The following BICC1 variants were observed in gnomAD, a reference collection of about 807,000 sequenced individuals.
BICC1 encodes BicC family RNA binding protein 1.
A neutral mutation model predicts 111.0 loss-of-function variants in BICC1; 43 were observed. That is an observed-to-expected ratio of 0.39 (90% CI 0.30 to 0.50). The LOEUF is 0.50. BICC1 is among the 20% of genes least tolerant of loss of function. The pLI, the probability that BICC1 is intolerant of heterozygous loss-of-function variation, is 0.88. For synonymous variants in BICC1, 467 were observed against 434.4 expected, an observed-to-expected ratio of 1.07 and a Z score of -0.93; for missense variants, 1,091 against 1,203.2, an observed-to-expected ratio of 0.91 and a Z score of 1.38.
intron 3 of BICC1, among the ~76,000 whole-genome samples, chr10:58,754,425 G>A (rs1360453528): frequency 1.3e-5 from 2 of 152,168 alleles, no homozygotes; most frequent in Non-Finnish European, 2.9e-5. Context: ...TGAAAATGTG[G>A]GGGTCTGCAA....
chr10:58,759,226 C>A (rs1293375856), intron 3 of BICC1, among the ~76,000 whole-genome samples: 3 of 152,042 alleles, frequency 2.0e-5, no homozygotes, highest in African/African-American at 7.3e-5. Context: ...TCCCAAAGTG[C>A]TGCAATTACA....
intron 2 of BICC1, among the ~76,000 whole-genome samples, chr10:58,670,959 T>C (rs2132322628): frequency 1.3e-5 from 2 of 152,262 alleles, no homozygotes; most frequent in South Asian, 4.1e-4. Context: ...AGGCACTGTA[T>C]GTTTCCATTT....
intron 3 of BICC1, among the ~76,000 whole-genome samples, chr10:58,773,883 T>C (rs1842682579): frequency 6.6e-6 from 1 of 152,226 alleles, no homozygotes; most frequent in African/African-American, 2.4e-5. Flanking sequence ...ACCCAAATAT[T>C]GCTTTTCTAA....
In BICC1 at chr10:58,589,579, C is replaced by A. The variant is rs150101297; in HGVS notation, c.191-31276C>A. The stretch of plus-strand genomic sequence containing the variant: ...CTTGAATGCCTGGGGTCAAGCTATT[C>A]TCTTGCCCCAGCCTCCCAAGTAGCA... On this transcript the variant is annotated intron_variant, in intron 1 of 20. Transcript: ENST00000373886. 2.7e-3 allele frequency among the ~76,000 whole-genome samples: 409 copies of A among 151,804 alleles called. 3 individuals carry two copies. The highest frequency in any genetic ancestry group is 9.2e-3 in the African/African-American group (382 of 41,372).
At chr10:58,525,728 C>CA (rs1842520625) in intron 1 of BICC1, among the ~76,000 whole-genome samples, 1 of 151,530 alleles carries the variant, frequency 6.6e-6, no homozygotes, top group African/African-American at 2.4e-5. Context: ...TTTTTTAAAG[C>CA]AATACAAGGA....
chr10:58,513,357 A>C (rs903823349), intron 1 of BICC1, 24 bp downstream of exon 1: 5 of 1,567,534 alleles, frequency 3.2e-6, no homozygotes, highest in Non-Finnish European at 2.6e-6. Context: ...GTGTTCTCGG[A>C]CTCTCCGACT....
At chr10:58,715,709 G>T in intron 3 of BICC1, 1 of 1,582,822 alleles carries the variant, frequency 6.3e-7, no homozygotes, top group Non-Finnish European at 8.7e-7. Flanking sequence ...AAAAGAAAAA[G>T]AAAGGTTCCA....
intron 2 of BICC1, among the ~76,000 whole-genome samples, chr10:58,675,716 A>T (rs1839317725): frequency 6.6e-6 from 1 of 152,262 alleles, no homozygotes; most frequent in African/African-American, 2.4e-5. Flanking sequence ...TTAATTAATT[A>T]GATTGTGATA....
intron 2 of BICC1, among the ~76,000 whole-genome samples, chr10:58,635,937 TTA>T (rs1452421395): frequency 6.6e-6 from 1 of 152,240 alleles, no homozygotes; most frequent in Non-Finnish European, 1.5e-5. Context: ...TCCCACTTCT[TTA>T]TATGTTAAAC....
chr10:58,597,426 C>G (rs551006123), intron 1 of BICC1, among the ~76,000 whole-genome samples: 3 of 152,098 alleles, frequency 2.0e-5, no homozygotes, highest in Admixed American at 1.3e-4. Flanking sequence ...GATAAGGGTC[C>G]AACAAAGATC....
chr10:58,518,088 G>A (rs1375324730), intron 1 of BICC1, among the ~76,000 whole-genome samples: 4 of 152,098 alleles, frequency 2.6e-5, no homozygotes, highest in African/African-American at 7.2e-5. Flanking sequence ...ACATGAGTGT[G>A]GAGTTCTAGA....
At chr10:58,612,643 C>T (rs1845468868) in intron 1 of BICC1, among the ~76,000 whole-genome samples, 1 of 150,016 alleles carries the variant, frequency 6.7e-6, no homozygotes, top group South Asian at 2.1e-4. Flanking sequence ...TGATTCTTTA[C>T]AGATTTGAAG....
At chr10:58,563,160 G>A (rs1285330483) in intron 1 of BICC1, among the ~76,000 whole-genome samples, 1 of 152,130 alleles carries the variant, frequency 6.6e-6, no homozygotes, top group Admixed American at 6.5e-5. Flanking sequence ...AGGGGTCACA[G>A]GGATATGGAA....
intron 17 of BICC1, among the ~76,000 whole-genome samples, chr10:58,812,326 A>G (rs781305744): frequency 2.6e-5 from 4 of 152,126 alleles, no homozygotes; most frequent in Non-Finnish European, 5.9e-5. Flanking sequence ...TAGCTGGGAT[A>G]TAGGAATTCT....
At chr10:58,593,908 G>T (rs1844721106) in intron 1 of BICC1, among the ~76,000 whole-genome samples, 1 of 151,878 alleles carries the variant, frequency 6.6e-6, no homozygotes. Context: ...TTCAGAAGGT[G>T]GGTAGTAACA....
At position 58,702,089 on chromosome 10, in the gene BICC1, A is replaced by T; in HGVS notation, c.253A>T (p.Asn85Tyr). ...TTTGTTACAGATCATGGAGGAAACA[A>T]ATACGCAGATTGCTTGGCCATCAAA... ...DFFQKIMEETNTQIAWPSKLK... is the reference protein window; with the variant it reads ...DFFQKIMEETYTQIAWPSKLK... The change falls in exon 3 of 21, where the codon AAT (asparagine) becomes TAT (tyrosine). Residue 85 changes from asparagine to tyrosine, a missense_variant. Physicochemically the swap from Asn to Tyr is moderately radical, Grantham distance 143. Coordinates refer to ENST00000373886, the MANE Select transcript of BICC1 (RefSeq NM_001080512.3). The T allele has an allele frequency of 1.2e-6, 2 of 1,613,310 alleles. No individual in the cohort carries two copies. The highest frequency in any genetic ancestry group is 1.7e-6 in the Non-Finnish European group (2 of 1,179,604).
At chr10:58,588,510 A>G (rs538400060) in intron 1 of BICC1, among the ~76,000 whole-genome samples, 34 of 152,154 alleles carry the variant, frequency 2.2e-4, no homozygotes, top group African/African-American at 7.2e-4. Flanking sequence ...TTTTTTGTCT[A>G]CCTTGAATTC....
intron 11 of BICC1, 76 bp from the exon 12 acceptor site, chr10:58,798,977 GATA>G: frequency 1.8e-6 from 2 of 1,112,872 alleles, no homozygotes; most frequent in Non-Finnish European, 2.5e-6. Flanking sequence ...CAACAAAAAT[GATA>G]TTTTTATTGT....
chr10:58,697,866 G>T lies in BICC1; in HGVS notation c.238-4208G>T, dbSNP rs185573374. On this transcript the variant is annotated intron_variant, in intron 2 of 20. Transcript: ENST00000373886. The stretch of plus-strand genomic sequence containing the variant: ...GCAATAATCTAGCTCCAGTACTGAA[G>T]TTCCTAGACCAAACTCCACCCACAC... Among the ~76,000 whole-genome samples, 120 of 151,904 alleles carry T rather than the reference G, an allele frequency of 7.9e-4. 1 individual carries two copies. The highest frequency in any genetic ancestry group is 2.8e-3 in the African/African-American group (115 of 41,388).
Sources: allele counts gnomAD v4.1 joint callset (sites outside exome capture counted in the v4.1 genomes callset), GRCh38; gene constraint gnomAD v4.1.1; transcripts MANE v1.5; gene names NCBI Gene and HGNC (gene_info 2026-07-23, HGNC 2026-07-21).